The following SELENON variants were observed in gnomAD, a reference collection of about 807,000 sequenced individuals.
SELENON encodes selenoprotein N, also known as selenoprotein N, 1.
In SELENON, 44 loss-of-function variants were observed where a neutral mutation model predicts 59.5. The observed-to-expected ratio is 0.74, with a 90% CI of 0.58 to 0.95. SELENON has a LOEUF of 0.95. Among genes scored for constraint, SELENON ranks in the 40% least tolerant of loss-of-function variants. SELENON has a pLI of 0.00. For synonymous variants in SELENON, 320 were observed against 305.6 expected, an observed-to-expected ratio of 1.05 and a Z score of -0.49; for missense variants, 674 against 721.4, an observed-to-expected ratio of 0.93 and a Z score of 0.75.
At chr1:25,809,628 G>A (rs867684769) in intron 6 of SELENON, 55 bp from the exon 6 acceptor site, 10 of 1,608,592 alleles carry the variant, frequency 6.2e-6, no homozygotes, top group African/African-American at 2.7e-5. Flanking sequence ...AAGGCTTCCC[G>A]GGCTCCTGGG....
chr1:25,815,514 C>T (rs767913917), intron 12 of SELENON, 34 bp from the exon 12 acceptor site: 9 of 1,608,558 alleles, frequency 5.6e-6, no homozygotes, highest in South Asian at 2.2e-5. Context: ...GGGCCCCCCT[C>T]CGCCCCACTT....
At chr1:25,804,642 C>A (rs2047887708) in intron 3 of SELENON, among the ~76,000 whole-genome samples, 1 of 40,518 alleles carries the variant, frequency 2.5e-5, no homozygotes, top group Non-Finnish European at 4.5e-5. Flanking sequence ...AATGCCCCCC[C>A]CGCCCCCCCC....
chr1:25,809,485 G>T (rs1410099707), intron 6 of SELENON, among the ~76,000 whole-genome samples, 198 bp from the exon 6 acceptor site: 2 of 152,222 alleles, frequency 1.3e-5, no homozygotes, highest in Non-Finnish European at 2.9e-5. Flanking sequence ...GGGGGTCCAG[G>T]CAGGGCTTCC....
rs2047922094 is a variant in SELENON, at chr1:25,807,979, C to G, written c.538-601C>G. 6.6e-6 allele frequency among the ~76,000 whole-genome samples: 1 copy of G among 152,228 alleles called. No individual in the cohort carries two copies. The highest frequency in any genetic ancestry group is 2.1e-4 in the South Asian group (1 of 4,832). On this transcript the variant is annotated intron_variant, in intron 4 of 12. Coordinates refer to ENST00000361547, the MANE Select transcript of SELENON (RefSeq NM_020451.3). This position sits in a 1 kb window ranked among gnomAD's most constrained non-coding sequence, Gnocchi z 4.5. Reference sequence around the variant, plus strand: ...CCTTCTGGGGGTGGCCTTCCTTCCCCTTCCCTGTGGTCTCATCCTGCTCTT... The same window carrying G: ...CCTTCTGGGGGTGGCCTTCCTTCCCGTTCCCTGTGGTCTCATCCTGCTCTT...
At chr1:25,811,662 C>T (rs1234384782) in intron 8 of SELENON, 29 bp from the exon 8 acceptor site, 1 of 1,611,536 alleles carries the variant, frequency 6.2e-7, no homozygotes, top group East Asian at 2.2e-5. Context: ...ATCTCTGAGC[C>T]TTCCCCCTAC....
chr1:25,810,584 G>A (rs899174724), intron 7 of SELENON, among the ~76,000 whole-genome samples: 2 of 152,268 alleles, frequency 1.3e-5, no homozygotes, highest in Non-Finnish European at 2.9e-5. Flanking sequence ...CTGGCCCTCT[G>A]TAGGCCTGTT....
At position 25,815,891 on chromosome 1, in the gene SELENON, G is replaced by A. The variant is rs561530877; in HGVS notation, c.*173G>A. The stretch of plus-strand genomic sequence containing the variant: ...AGCCTTGGCTCCATGGTGGCGGGTA[G>A]ACAAGGGATGCCTGGGCTGACTGGG... On this transcript the variant is annotated 3_prime_UTR_variant, in exon 13 of 13. Transcript: ENST00000361547. 3.6e-5 allele frequency: 23 copies of A among 639,128 alleles called. No homozygotes were observed. In the East Asian group the frequency reaches 6.1e-4, roughly 17 times the overall value. The allele number at this position is 639,128 out of a possible 1,614,324, so 39.6% of individuals were successfully genotyped here.
rs2047958867 is a variant in SELENON, at chr1:25,811,482, T to C, written c.1039T>C (p.Tyr347His). Residue 347 changes from tyrosine to histidine, a missense_variant, in exon 8 of 13, where the codon TAC becomes CAC. Transcript: ENST00000361547. ...TCTGAATGTGGACATGGAGTGGCTT[T>C]ACGGGGCCAGTGAAAGCAGCAACAT... is the stretch of plus-strand genomic sequence containing the variant. 4 of 1,614,082 alleles carry C rather than the reference T, an allele frequency of 2.5e-6. No homozygotes were observed. Among genetic ancestry groups the C allele is most frequent in the Non-Finnish European group, 3.4e-6 (4 of 1,180,026 alleles).
chr1:25,805,937 A>T (rs990941042), intron 4 of SELENON, among the ~76,000 whole-genome samples: 3 of 150,554 alleles, frequency 2.0e-5, no homozygotes, highest in African/African-American at 7.4e-5. Context: ...ACTCTCTCCC[A>T]CTCTCTCCTC....
At chr1:25,812,597 ACACACACACTTG>A (rs1557432862) in intron 9 of SELENON, 78 bp from the exon 9 acceptor site, 5 of 832,950 alleles carry the variant, frequency 6.0e-6, no homozygotes, top group African/African-American at 3.6e-5. Context: ...ACACACACAC[ACACACACACTTG>A]CACACACTAC....
chr1:25,814,921 T>G (rs1194269264), intron 12 of SELENON, among the ~76,000 whole-genome samples: 1 of 151,946 alleles, frequency 6.6e-6, no homozygotes, highest in Non-Finnish European at 1.5e-5. Context: ...CAGTGAGGGT[T>G]TGGTGTAAAG....
In SELENON at chr1:25,801,045, A is replaced by C; in HGVS notation, c.186A>C (p.Glu62Asp). 6.2e-7 allele frequency: 1 copy of C among 1,613,832 alleles called. No homozygotes were observed. The highest frequency in any genetic ancestry group is 8.5e-7 in the Non-Finnish European group (1 of 1,179,750). Reference sequence around the variant, plus strand: ...GCCCAGTCTCTCCTCCCAAGCAGGAACTGGCGCTGAAGACCCTGGGGACAG... The same window carrying C: ...GCCCAGTCTCTCCTCCCAAGCAGGACCTGGCGCTGAAGACCCTGGGGACAG... Residue 62 changes from glutamate (E) to aspartate (D), a missense_variant and splice_region_variant, in exon 2 of 13, where the codon GAA (glutamate) becomes GAC (aspartate). Transcript: ENST00000361547.
At chr1:25,804,395 A>G (rs1572229439) in intron 3 of SELENON, among the ~76,000 whole-genome samples, 2 of 151,994 alleles carry the variant, frequency 1.3e-5, no homozygotes, top group South Asian at 2.1e-4. Context: ...CTGTACCACT[A>G]CCCTGCCCTG....
intron 3 of SELENON, 85 bp from the exon 3 acceptor site, chr1:25,805,056 GT>G: frequency 6.3e-7 from 1 of 1,583,200 alleles, no homozygotes; most frequent in Non-Finnish European, 8.6e-7. Context: ...GCCTGGCTCC[GT>G]TAATCACCAG....
At chr1:25,804,672 A>G (rs1572229770) in intron 3 of SELENON, among the ~76,000 whole-genome samples, 1 of 133,784 alleles carries the variant, frequency 7.5e-6, no homozygotes, top group African/African-American at 2.8e-5. Context: ...CAAAAAAAAA[A>G]AAAGCAGGGG....
intron 4 of SELENON, 78 bp from the exon 4 acceptor site, chr1:25,808,502 A>G: frequency 1.9e-6 from 3 of 1,539,708 alleles, no homozygotes; most frequent in Non-Finnish European, 2.7e-6. Flanking sequence ...GGCTTGAGGG[A>G]GACCTCCACC....
At chr1:25,810,219 A>G (rs1191967853) in intron 7 of SELENON, among the ~76,000 whole-genome samples, 1 of 152,158 alleles carries the variant, frequency 6.6e-6, no homozygotes, top group East Asian at 1.9e-4. Context: ...TCCCAGAAGA[A>G]AAAGGTCATC....
At position 25,805,621 on chromosome 1, in the gene SELENON, G is replaced by A. The variant is rs908229494; in HGVS notation, c.537+346G>A. 5.3e-5 allele frequency among the ~76,000 whole-genome samples: 8 copies of A among 151,694 alleles called. No individual in the cohort carries two copies. In the East Asian group the frequency reaches 7.7e-4, roughly 15 times the overall value. The stretch of plus-strand genomic sequence containing the variant: ...CAGTAGAGACCCTGTTAGTGCAGCC[G>A]CCCCACATACTATGATGATTATTTC... On this transcript the variant is annotated intron_variant, in intron 4 of 12. Transcript: ENST00000361547.
intron 3 of SELENON, among the ~76,000 whole-genome samples, chr1:25,804,920 CTT>C (rs1200519817): frequency 6.6e-6 from 1 of 152,180 alleles, no homozygotes; most frequent in Non-Finnish European, 1.5e-5. Context: ...TCTCTGAACA[CTT>C]TCTCATTTGT....
Sources: gnomAD v4.1 joint callset for allele counts (sites outside exome capture counted in the v4.1 genomes callset) on GRCh38, gnomAD v4.1.1 for gene constraint, Gnocchi (gnomAD v3.1) non-coding constraint, MANE v1.5 for transcripts, NCBI Gene and HGNC (gene_info 2026-07-23, HGNC 2026-07-21) for gene names.